ZNF804B: variants seen among roughly 807,000 people sequenced by gnomAD.
ZNF804B encodes the protein zinc finger protein 804B.
A neutral mutation model predicts 101.4 loss-of-function variants in ZNF804B; 80 were observed. That is an observed-to-expected ratio of 0.79 (90% CI 0.66 to 0.95). ZNF804B has a LOEUF of 0.95. ZNF804B is among the 40% of genes least tolerant of loss of function. ZNF804B has a pLI of 0.00. For synonymous variants in ZNF804B, 622 were observed against 558.8 expected, an observed-to-expected ratio of 1.11 and a Z score of -1.59; for missense variants, 1,673 against 1,561.9, an observed-to-expected ratio of 1.07 and a Z score of -1.20.
chr7:89,234,667 C>A lies in ZNF804B; in HGVS notation c.249+16372C>A, dbSNP rs137870304. On this transcript the variant is annotated intron_variant, in intron 2 of 3. Coordinates refer to ENST00000333190, the MANE Select transcript of ZNF804B (RefSeq NM_181646.5). ...TTCTCTTTCTGTTTCCTCGTCTCTC[C>A]CCACTCCCATTTCTCTCTCCCCATT... 4.9e-4 allele frequency among the ~76,000 whole-genome samples: 74 copies of A among 152,228 alleles called. 1 individual carries two copies. Among genetic ancestry groups the A allele is most frequent in the African/African-American group, 1.8e-3 (73 of 41,542 alleles).
chr7:88,802,783 A>G (rs550067680), intron 1 of ZNF804B, among the ~76,000 whole-genome samples: 1 of 152,134 alleles, frequency 6.6e-6, no homozygotes, highest in African/African-American at 2.4e-5. Flanking sequence ...AGAAGAAATT[A>G]ATGAAGGTGG....
At chr7:88,804,987 T>C (rs1020986492) in intron 1 of ZNF804B, among the ~76,000 whole-genome samples, 1 of 152,178 alleles carries the variant, frequency 6.6e-6, no homozygotes, top group African/African-American at 2.4e-5. Context: ...GAGATAATAT[T>C]TCACACTAGA....
Position 89,104,742 on chromosome 7 carries a change from A to G in ZNF804B, c.109-113413A>G, listed in dbSNP as rs1790110394. Among the ~76,000 whole-genome samples, 3 of 151,502 alleles carry G rather than the reference A, an allele frequency of 2.0e-5. No individual in the cohort carries two copies. In the South Asian group the frequency reaches 6.3e-4, roughly 32 times the overall value. On this transcript the variant is annotated intron_variant, in intron 1 of 3. Transcript: ENST00000333190. ...GATGAGTCCTTTGATTCTCTGCTCTATCCTTCACTCTTCTCTTGTTAATTA... is the reference window on the plus strand; with the variant it reads ...GATGAGTCCTTTGATTCTCTGCTCTGTCCTTCACTCTTCTCTTGTTAATTA...
chr7:89,210,769 A>T (rs548589077), intron 1 of ZNF804B, among the ~76,000 whole-genome samples: 1 of 152,130 alleles, frequency 6.6e-6, no homozygotes, highest in South Asian at 2.1e-4. Flanking sequence ...AGTTGATTCC[A>T]TGTCTTTGCG....
intron 1 of ZNF804B, among the ~76,000 whole-genome samples, chr7:89,194,131 T>A (rs1265257056): frequency 3.3e-5 from 5 of 152,030 alleles, no homozygotes; most frequent in South Asian, 4.1e-4. Context: ...GTGTCTGTTC[T>A]TGTCCTTTGC....
chr7:89,218,060 T>C (rs958694095), intron 1 of ZNF804B, 95 bp from the exon 2 acceptor site: 33 of 1,275,662 alleles, frequency 2.6e-5, no homozygotes, highest in Non-Finnish European at 2.8e-5. Flanking sequence ...TGCTCCGTCA[T>C]ATTTCTTTAA....
intron 1 of ZNF804B, among the ~76,000 whole-genome samples, chr7:89,030,422 A>G (rs1331885228): frequency 6.6e-6 from 1 of 152,098 alleles, no homozygotes; most frequent in Non-Finnish European, 1.5e-5. Flanking sequence ...GCTATATCAG[A>G]GAGTATATTG....
chr7:88,941,149 C>T (rs545717788), intron 1 of ZNF804B, among the ~76,000 whole-genome samples: 2 of 152,088 alleles, frequency 1.3e-5, no homozygotes, highest in East Asian at 1.9e-4. Flanking sequence ...TAGAATCTCT[C>T]ATTCTTTGCT....
At chr7:88,956,208 A>G (rs1793303750) in intron 1 of ZNF804B, among the ~76,000 whole-genome samples, 1 of 151,610 alleles carries the variant, frequency 6.6e-6, no homozygotes, top group Non-Finnish European at 1.5e-5. Flanking sequence ...TGGAACTACC[A>G]TATGATCCAG....
chr7:88,838,407 G>C (rs1278004888), intron 1 of ZNF804B, among the ~76,000 whole-genome samples: 2 of 151,842 alleles, frequency 1.3e-5, no homozygotes, highest in African/African-American at 4.8e-5. Context: ...TTTGTTACAT[G>C]TTACAGTGGT....
intron 1 of ZNF804B, 71 bp downstream of exon 1, chr7:88,760,155 ATAG>A: frequency 7.8e-7 from 1 of 1,285,010 alleles, no homozygotes; most frequent in Non-Finnish European, 1.1e-6. Context: ...ATATTGAGAG[ATAG>A]TATCCTGATA....
At chr7:89,033,493 G>A (rs962515674) in intron 1 of ZNF804B, among the ~76,000 whole-genome samples, 1 of 152,102 alleles carries the variant, frequency 6.6e-6, no homozygotes, top group African/African-American at 2.4e-5. Flanking sequence ...GGGAGTGCTG[G>A]ATCATAGAGT....
intron 1 of ZNF804B, chr7:88,795,044 C>T: frequency 2.1e-6 from 2 of 963,382 alleles, no homozygotes; most frequent in East Asian, 2.9e-5. Flanking sequence ...GTTTTTATTT[C>T]TTCTGACAAA....
At chr7:88,854,527 T>TTTCCTTCCC (rs1791520224) in intron 1 of ZNF804B, among the ~76,000 whole-genome samples, 13 of 40,062 alleles carry the variant, frequency 3.2e-4, no homozygotes, top group South Asian at 2.2e-3. Context: ...CTTTCCTTCC[T>TTTCCTTCCC]TTCCTTCCTT....
intron 1 of ZNF804B, among the ~76,000 whole-genome samples, chr7:89,099,225 A>C (rs936204151): frequency 2.0e-5 from 3 of 151,986 alleles, no homozygotes; most frequent in Non-Finnish European, 2.9e-5. Flanking sequence ...ACAGAGCTAA[A>C]ACCTGTGGAA....
intron 2 of ZNF804B, among the ~76,000 whole-genome samples, chr7:89,280,408 C>T (rs1790072148): frequency 6.6e-6 from 1 of 151,832 alleles, no homozygotes; most frequent in East Asian, 1.9e-4. Context: ...TAACTAAAAT[C>T]AGAGCAGAAC....
intron 1 of ZNF804B, among the ~76,000 whole-genome samples, chr7:89,018,814 T>G (rs1788613300): frequency 6.6e-6 from 1 of 152,044 alleles, no homozygotes; most frequent in Non-Finnish European, 1.5e-5. Flanking sequence ...TAATAACCTC[T>G]TGCACTCCTG....
At chr7:89,303,735 T>C (rs545256625) in intron 2 of ZNF804B, among the ~76,000 whole-genome samples, 9 of 152,070 alleles carry the variant, frequency 5.9e-5, no homozygotes, top group Non-Finnish European at 1.2e-4. Context: ...GTAATCATTA[T>C]GGACAGATTT....
At chr7:88,967,620 G>A (rs10253461) in intron 1 of ZNF804B, among the ~76,000 whole-genome samples, 96,424 of 150,596 alleles carry the variant, frequency 0.64, 30,953 homozygotes, top group Middle Eastern at 0.75. Flanking sequence ...GTAAAACACC[G>A]TGGGGAGGCA....
Sources: gnomAD v4.1 joint callset for allele counts (sites outside exome capture counted in the v4.1 genomes callset) on GRCh38, gnomAD v4.1.1 for gene constraint, MANE v1.5 for transcripts, NCBI Gene and HGNC (gene_info 2026-07-23, HGNC 2026-07-21) for gene names.